Variants in PRKG1 observed in about 807,000 individuals in gnomAD.
PRKG1 encodes cGMP-dependent protein kinase 1.
A neutral mutation model predicts 88.1 loss-of-function variants in PRKG1; 35 were observed. The ratio of observed to expected loss-of-function variants is 0.40; its 90% CI spans 0.30 to 0.53. PRKG1 has a LOEUF of 0.53. PRKG1 is among the 20% of genes least tolerant of loss of function. PRKG1 has a pLI of 0.59. For synonymous variants in PRKG1, 303 were observed against 292.5 expected, an observed-to-expected ratio of 1.04 and a Z score of -0.37; for missense variants, 540 against 839.8, an observed-to-expected ratio of 0.64 and a Z score of 4.41.
At chr10:52,268,559 A>G (rs895984179) in intron 10 of PRKG1, among the ~76,000 whole-genome samples, 17 of 152,050 alleles carry the variant, frequency 1.1e-4, no homozygotes, top group Non-Finnish European at 2.2e-4. Context: ...AATATTGTTC[A>G]GTTTATCTCA....
Position 51,533,725 on chromosome 10 carries a change from A to G in PRKG1, c.592+65889A>G, listed in dbSNP as rs1269500845. Among the ~76,000 whole-genome samples the G allele has an allele frequency of 2.0e-5, 3 of 152,084 alleles. No individual in the cohort carries two copies. The East Asian group carries it at 5.8e-4, about 29-fold the overall frequency. ...ATTCTGGAGCCAAGGGTATCCATGTATCTTTAAAGCAAAGCTGAAAACTCT... is the reference window on the plus strand; with the variant it reads ...ATTCTGGAGCCAAGGGTATCCATGTGTCTTTAAAGCAAAGCTGAAAACTCT... On this transcript the variant is annotated intron_variant, in intron 3 of 17. Coordinates refer to ENST00000373980, the MANE Select transcript of PRKG1 (RefSeq NM_006258.4).
intron 2 of PRKG1, among the ~76,000 whole-genome samples, chr10:51,182,520 C>T (rs983952983): frequency 2.6e-5 from 4 of 152,132 alleles, no homozygotes; most frequent in African/African-American, 9.7e-5. Flanking sequence ...CAAACCCTGT[C>T]ATCCTGGTCT....
intron 2 of PRKG1, among the ~76,000 whole-genome samples, chr10:51,180,628 C>T (rs1837317855): frequency 6.6e-6 from 1 of 152,198 alleles, no homozygotes; most frequent in Non-Finnish European, 1.5e-5. Flanking sequence ...GTGTGAATTT[C>T]ACCCTGCCTG....
chr10:51,502,141 C>G (rs1355849403), intron 3 of PRKG1, among the ~76,000 whole-genome samples: 1 of 152,154 alleles, frequency 6.6e-6, no homozygotes, highest in Non-Finnish European at 1.5e-5. Flanking sequence ...ATGAATGAAT[C>G]TCTATCCAGG....
At chr10:51,455,979 T>C (rs1483104892) in intron 2 of PRKG1, among the ~76,000 whole-genome samples, 1 of 152,188 alleles carries the variant, frequency 6.6e-6, no homozygotes, top group Non-Finnish European at 1.5e-5. Flanking sequence ...TTCACTATAT[T>C]AGTCTGTTCT....
chr10:51,964,558 A>T (rs538922893), intron 5 of PRKG1, among the ~76,000 whole-genome samples: 1 of 152,344 alleles, frequency 6.6e-6, no homozygotes, highest in African/African-American at 2.4e-5. Flanking sequence ...ATGGAGCAGA[A>T]ATGTATTTGA....
intron 1 of PRKG1, among the ~76,000 whole-genome samples, chr10:51,075,408 G>A (rs1421872759): frequency 1.3e-5 from 2 of 152,130 alleles, no homozygotes. Context: ...CAAACCTGAC[G>A]TTCTTGTCAT....
At chr10:51,974,927 G>T (rs2133097173) in intron 5 of PRKG1, among the ~76,000 whole-genome samples, 1 of 152,080 alleles carries the variant, frequency 6.6e-6, no homozygotes, top group Admixed American at 6.6e-5. Flanking sequence ...ATTGGAATTT[G>T]GTGCCCAACT....
chr10:51,180,086 A>G (rs1190133658), intron 2 of PRKG1, among the ~76,000 whole-genome samples: 1 of 152,102 alleles, frequency 6.6e-6, no homozygotes, highest in East Asian at 1.9e-4. Flanking sequence ...CAAGGTTTTA[A>G]TGTGTTATAG....
At chr10:51,769,672 A>G (rs1040316597) in intron 3 of PRKG1, among the ~76,000 whole-genome samples, 1 of 152,210 alleles carries the variant, frequency 6.6e-6, no homozygotes, top group Non-Finnish European at 1.5e-5. Flanking sequence ...TTCCTATAGC[A>G]AATGAAATAT....
chr10:52,091,899 C>G (rs551990415), intron 7 of PRKG1, among the ~76,000 whole-genome samples: 8 of 152,276 alleles, frequency 5.3e-5, no homozygotes, highest in Admixed American at 2.0e-4. Context: ...CAATAATCAT[C>G]TTTTTGAAAG....
At chr10:51,859,196 C>T (rs117666768) in intron 4 of PRKG1, among the ~76,000 whole-genome samples, 28 of 152,302 alleles carry the variant, frequency 1.8e-4, no homozygotes, top group Non-Finnish European at 3.8e-4. Context: ...CACAGATGTT[C>T]GGAAGCCCTG....
At chr10:52,244,522 A>G (rs936688348) in intron 9 of PRKG1, among the ~76,000 whole-genome samples, 5 of 104,414 alleles carry the variant, frequency 4.8e-5, no homozygotes, top group African/African-American at 1.1e-4. Flanking sequence ...TTCCACGTAC[A>G]CAAAAAGTTG....
chr10:52,165,667 G>A (rs1010629652), intron 9 of PRKG1, among the ~76,000 whole-genome samples: 8 of 152,174 alleles, frequency 5.3e-5, no homozygotes, highest in Non-Finnish European at 1.0e-4. Flanking sequence ...GATTATGTTA[G>A]TTATCCATGG....
At chr10:51,405,674 C>T (rs556146710) in intron 2 of PRKG1, among the ~76,000 whole-genome samples, 1 of 152,260 alleles carries the variant, frequency 6.6e-6, no homozygotes, top group East Asian at 1.9e-4. Flanking sequence ...CAGCAGTTTC[C>T]TGTGCTTGTG....
At chr10:51,023,309 C>T (rs1416366030) in intron 1 of PRKG1, among the ~76,000 whole-genome samples, 2 of 152,148 alleles carry the variant, frequency 1.3e-5, no homozygotes, top group South Asian at 4.1e-4. Flanking sequence ...AAATAAAGAG[C>T]ACTTGTCCAA....
intron 4 of PRKG1, among the ~76,000 whole-genome samples, chr10:51,817,605 A>G (rs576252567): frequency 2.2e-4 from 33 of 152,190 alleles, no homozygotes; most frequent in Middle Eastern, 6.8e-3. Flanking sequence ...ATCACTGATG[A>G]GCATTTGGGT....
chr10:51,159,004 G>T (rs181034672), intron 2 of PRKG1, among the ~76,000 whole-genome samples: 1 of 151,902 alleles, frequency 6.6e-6, no homozygotes, highest in Non-Finnish European at 1.5e-5. Context: ...CCAGTAAGTT[G>T]GTTGATACAG....
chr10:51,262,528 G>A (rs937548615), intron 2 of PRKG1, among the ~76,000 whole-genome samples: 5 of 152,156 alleles, frequency 3.3e-5, no homozygotes, highest in Non-Finnish European at 7.3e-5. Context: ...GCCTAAGGAT[G>A]AAATTCTTGA....
Sources: gnomAD v4.1 joint callset for allele counts (sites outside exome capture counted in the v4.1 genomes callset) on GRCh38, gnomAD v4.1.1 for gene constraint, MANE v1.5 for transcripts, NCBI Gene and HGNC (gene_info 2026-07-23, HGNC 2026-07-21) for gene names.